Variants in PADI2 observed in about 807,000 individuals in gnomAD.
PADI2 encodes the protein peptidyl arginine deiminase 2, also known as protein-arginine deiminase type-2.
Under a neutral mutation model 81.1 loss-of-function variants are expected in PADI2, and 70 were observed. The observed-to-expected ratio is 0.86, with a 90% CI of 0.71 to 1.05. PADI2 has a LOEUF of 1.05. PADI2 is among the 50% of genes least tolerant of loss of function. The probability of loss-of-function intolerance (pLI) is 0.00; values close to 1 mark genes in which losing one functional copy is unlikely to be tolerated. For synonymous variants in PADI2, 338 were observed against 358.0 expected (o/e 0.94, Z 0.63); for missense variants, 853 against 889.9 (o/e 0.96, Z 0.53).
chr1:17,088,921 A>C (rs1048307940), intron 6 of PADI2, among the ~76,000 whole-genome samples: 3 of 147,068 alleles, frequency 2.0e-5, no homozygotes, highest in African/African-American at 5.1e-5. Context: ...AAAAAAAAAA[A>C]AAAAAAAAAA....
chr1:17,069,846 A>C (rs2078252790), intron 15 of PADI2, among the ~76,000 whole-genome samples: 1 of 152,222 alleles, frequency 6.6e-6, no homozygotes, highest in Non-Finnish European at 1.5e-5. Context: ...TTTGCACAGC[A>C]CTTTCCTATC....
chr1:17,069,374 G>A (rs2078248698), intron 15 of PADI2, 97 bp from the exon 16 acceptor site: 1 of 877,794 alleles, frequency 1.1e-6, no homozygotes, highest in Non-Finnish European at 1.8e-6. Context: ...CGGCAACCCT[G>A]TGAAGTAGTA....
chr1:17,104,591 G>A (rs1226486824), intron 2 of PADI2, among the ~76,000 whole-genome samples: 1 of 151,492 alleles, frequency 6.6e-6, no homozygotes, highest in Admixed American at 6.6e-5. Flanking sequence ...CCCGCCCCAT[G>A]CCTGGCTAAT....
rs1006911853 is a variant in PADI2, at chr1:17,119,349, C to T, written c.23G>A (p.Arg8Gln). The T allele has an allele frequency of 7.1e-6, 11 of 1,542,040 alleles. No individual in the cohort carries two copies. Among genetic ancestry groups the T allele is most frequent in the Non-Finnish European group, 8.7e-6 (10 of 1,144,386 alleles). The change falls in exon 1 of 16, where the codon CGG (arginine) becomes CAG (glutamine). Residue 8 changes from arginine to glutamine, a missense_variant. By Grantham distance (43) the Arg-to-Gln change is conservative. Transcript: ENST00000375486. The surrounding 1 kb of genome is among the most constrained non-coding windows in gnomAD (Gnocchi z 4.8). Reference sequence around the variant, plus strand: ...CTCCACGCGGCTCCCGTACTGCAGCCGCACGGTCCGCTCGCGCAGCATCCT... The same window carrying T: ...CTCCACGCGGCTCCCGTACTGCAGCTGCACGGTCCGCTCGCGCAGCATCCT... Reference protein sequence around the residue: MLRERTVRLQYGSRVEAV... With the variant: MLRERTVQLQYGSRVEAV...
In PADI2 at chr1:17,068,913, C is replaced by G; in HGVS notation, c.*131G>C. 4 of 729,672 alleles carry G rather than the reference C, an allele frequency of 5.5e-6. No individual in the cohort carries two copies. Among genetic ancestry groups the G allele is most frequent in the South Asian group, 5.0e-5 (3 of 59,854 alleles). 45.2% of individuals were successfully genotyped at this position (729,672 alleles called of 1,614,324 possible). The stretch of plus-strand genomic sequence containing the variant: ...TCAGGGAGGGCAAGGCACAGATACC[C>G]CAAATTCCACCCCACGTCCCAAAGG... On this transcript the variant is annotated 3_prime_UTR_variant, in exon 16 of 16. Coordinates refer to ENST00000375486, the MANE Select transcript of PADI2 (RefSeq NM_007365.3).
intron 1 of PADI2, among the ~76,000 whole-genome samples, chr1:17,107,888 G>C (rs948344247): frequency 2.0e-5 from 3 of 151,974 alleles, no homozygotes; most frequent in African/African-American, 7.3e-5. Context: ...GCCTGTCCTG[G>C]GATGATGTGA....
rs779123189 is a variant in PADI2, at chr1:17,103,069, G to A, written c.277-10C>T. 6.2e-7 allele frequency: 1 copy of A among 1,607,000 alleles called. No individual in the cohort carries two copies. The stretch of plus-strand genomic sequence containing the variant: ...AGTAGTTGACGGTGACCTTGGTGGG[G>A]AGGGGGCACATTGGAGTAGAGAGAA... On this transcript the variant is annotated splice_polypyrimidine_tract_variant and intron_variant, in intron 2 of 15. Coordinates refer to ENST00000375486, the MANE Select transcript of PADI2 (RefSeq NM_007365.3).
chr1:17,071,447 G>A lies in PADI2; in HGVS notation c.1594C>T (p.Leu532=). 6.2e-7 allele frequency: 1 copy of A among 1,614,162 alleles called. No homozygotes were observed. The highest frequency in any genetic ancestry group is 1.1e-5 in the South Asian group (1 of 91,078). ...SSKRITINKI[L]SNESLVQENL... is the part of the protein sequence containing the mutation. The stretch of plus-strand genomic sequence containing the variant: ...TCCTGCACAAGGCTCTCGTTGGACA[G>A]AATCTTGTTGATGGTGATTCGCTTG... The change falls in exon 14 of 16, where the codon CTG becomes TTG. Residue 532 remains leucine, a synonymous_variant. Transcript: ENST00000375486.
At chr1:17,099,520 A>G (rs1931065324) in intron 3 of PADI2, among the ~76,000 whole-genome samples, 1 of 152,190 alleles carries the variant, frequency 6.6e-6, no homozygotes, top group Non-Finnish European at 1.5e-5. Flanking sequence ...TATAGTTTGT[A>G]AAAAGTGAGT....
chr1:17,088,906 C>CAAAAAAAAAA (rs753463253), intron 6 of PADI2, among the ~76,000 whole-genome samples: 1 of 38,838 alleles, frequency 2.6e-5, no homozygotes, highest in African/African-American at 9.1e-5. Flanking sequence ...GACTCCATCT[C>CAAAAAAAAAA]AAAAAAAAAA....
chr1:17,070,345 CG>C, intron 14 of PADI2, 129 bp from the exon 15 acceptor site: 1 of 1,172,762 alleles, frequency 8.5e-7, no homozygotes, highest in Non-Finnish European at 1.2e-6. Flanking sequence ...TAGCAGTCAG[CG>C]GGCGCCTCTG....
intron 3 of PADI2, among the ~76,000 whole-genome samples, chr1:17,102,365 G>A (rs1487088078): frequency 6.6e-6 from 1 of 152,202 alleles, no homozygotes; most frequent in Non-Finnish European, 1.5e-5. Flanking sequence ...CTGGCACCCA[G>A]CGCAGGGCAG....
At chr1:17,113,468 A>AGGGACAGTCATGGCCGAGTGCTTCAAG (rs1931655798) in intron 1 of PADI2, among the ~76,000 whole-genome samples, 1 of 152,144 alleles carries the variant, frequency 6.6e-6, no homozygotes, top group Non-Finnish European at 1.5e-5. Context: ...CCCGCTTCAA[A>AGGGACAGTCATGGCCGAGTGCTTCAAG]TCTCAGGGAC....
At chr1:17,118,668 T>C (rs1443970806) in intron 1 of PADI2, among the ~76,000 whole-genome samples, 1 of 152,162 alleles carries the variant, frequency 6.6e-6, no homozygotes, top group Non-Finnish European at 1.5e-5. Context: ...CCCTCTGTGG[T>C]CTCAGAATGA....
chr1:17,084,815 G>A lies in PADI2; in HGVS notation c.835-113C>T, dbSNP rs2078373631. The A allele has an allele frequency of 9.1e-6, 6 of 658,966 alleles. No homozygotes were observed. In the East Asian group the frequency reaches 1.7e-4, roughly 19 times the overall value. The allele number at this position is 658,966 out of a possible 1,614,324, so 40.8% of individuals were successfully genotyped here. ...CAGTGAATACATTTCCTCAGGACTT[G>A]CTATGCACCAAGCCTGTGCTAAGTA... On this transcript the variant is annotated intron_variant, in intron 7 of 15. Transcript: ENST00000375486.
At chr1:17,076,372 G>A (rs890609372) in intron 11 of PADI2, among the ~76,000 whole-genome samples, 2 of 151,922 alleles carry the variant, frequency 1.3e-5, no homozygotes, top group Middle Eastern at 3.2e-3. Flanking sequence ...GTGCCACCAC[G>A]CCCGGCTAAT....
intron 1 of PADI2, among the ~76,000 whole-genome samples, chr1:17,114,569 T>G (rs1931697511): frequency 6.6e-6 from 1 of 151,972 alleles, no homozygotes; most frequent in Non-Finnish European, 1.5e-5. Flanking sequence ...GAGATGAGCA[T>G]GCAAAGTGTT....
intron 6 of PADI2, among the ~76,000 whole-genome samples, chr1:17,088,538 G>T (rs921054206): frequency 6.6e-6 from 1 of 152,020 alleles, no homozygotes; most frequent in Non-Finnish European, 1.5e-5. Flanking sequence ...TCTCACTAAG[G>T]GTGCTTCCCT....
intron 1 of PADI2, among the ~76,000 whole-genome samples, chr1:17,114,493 A>G (rs1383267150): frequency 2.0e-5 from 3 of 152,204 alleles, no homozygotes; most frequent in African/African-American, 7.2e-5. Context: ...CGAAAAGGGG[A>G]CAATAATTGT....
Sources: gnomAD v4.1 joint callset for allele counts (sites outside exome capture counted in the v4.1 genomes callset) on GRCh38, gnomAD v4.1.1 for gene constraint, Gnocchi (gnomAD v3.1) non-coding constraint, MANE v1.5 for transcripts, NCBI Gene and HGNC (gene_info 2026-07-23, HGNC 2026-07-21) for gene names.